DCUN1D1: variants seen among roughly 807,000 people sequenced by gnomAD.
The protein encoded by DCUN1D1 is defective in cullin neddylation 1 domain containing 1.
A neutral mutation model predicts 39.0 loss-of-function variants in DCUN1D1; 3 were observed. The observed-to-expected ratio is 0.08, with a 90% CI of 0.04 to 0.20. The LOEUF (loss-of-function observed/expected upper bound fraction) is 0.20. DCUN1D1 is among the 10% of genes least tolerant of loss of function. DCUN1D1 has a pLI of 1.00. For synonymous variants in DCUN1D1, 82 were observed against 96.3 expected (o/e 0.85, Z 0.87); for missense variants, 158 against 302.4 (o/e 0.52, Z 3.54).
chr3:182,964,150 A>G (rs1727544160), intron 2 of DCUN1D1, 101 bp from the exon 3 acceptor site: 1 of 892,250 alleles, frequency 1.1e-6, no homozygotes, highest in Non-Finnish European at 1.7e-6. Context: ...AAATGACCAC[A>G]ATATATGGAA....
At position 182,945,094 on chromosome 3, in the gene DCUN1D1, C is replaced by A; in HGVS notation, c.780G>T (p.Ter260TyrextTer2). The change falls in exon 7 of 7, where the codon TAG becomes TAT. Residue 260 changes from the stop codon to tyrosine, a stop_lost. Transcript: ENST00000292782. The stretch of plus-strand genomic sequence containing the variant: ...TACATTCTAGAAGGTTCCTTTAGTG[C>A]TACACTGTTGTACTTTTTGTCCCAG... ...QIAGTKSTTV[*>Y] is the part of the protein sequence containing the mutation. 1 of 1,611,802 alleles carries A rather than the reference C, an allele frequency of 6.2e-7. No individual in the cohort carries two copies.
chr3:182,983,600 C>T (rs1000117400), upstream of DCUN1D1, among the ~76,000 whole-genome samples: 2 of 151,908 alleles, frequency 1.3e-5, no homozygotes, highest in Non-Finnish European at 2.9e-5. Context: ...CCAGCTAGTC[C>T]GGAGGCTGAG....
At position 182,947,522 on chromosome 3, in the gene DCUN1D1, G is replaced by A. The variant is rs950635656; in HGVS notation, c.603+28C>T. On this transcript the variant is annotated intron_variant, in intron 5 of 6. Coordinates refer to ENST00000292782, the MANE Select transcript of DCUN1D1 (RefSeq NM_020640.4). ...AAACATAGCAGAATTTGAGAAAACA[G>A]AGAGAAATGTAGAAAATGTGAACTT... 3.7e-6 allele frequency: 5 copies of A among 1,344,104 alleles called. No homozygotes were observed. In the African/African-American group the frequency reaches 5.8e-5, roughly 16 times the overall value. The allele number at this position is 1,344,104 out of a possible 1,614,324, so 83.3% of individuals were successfully genotyped here.
upstream of DCUN1D1, among the ~76,000 whole-genome samples, chr3:182,984,109 AAG>A (rs145006449): frequency 7.3e-3 from 1,111 of 152,322 alleles, 12 homozygotes; most frequent in African/African-American, 0.025. Context: ...AATGAAAAGA[AAG>A]AGATATGTAA....
intron 1 of DCUN1D1, 22 bp downstream of exon 1, chr3:182,980,465 G>GCGGGCGGC: frequency 8.6e-7 from 1 of 1,167,126 alleles, no homozygotes; most frequent in South Asian, 2.4e-5. Flanking sequence ...GGCAGGGCGG[G>GCGGGCGGC]CGGGCGGCCG....
chr3:182,947,323 T>A lies in DCUN1D1; in HGVS notation c.615A>T (p.Lys205Asn). 1 of 1,600,100 alleles carries A rather than the reference T, an allele frequency of 6.2e-7. No individual in the cohort carries two copies. Among genetic ancestry groups the A allele is most frequent in the East Asian group, 2.2e-5 (1 of 44,672 alleles). ...TCCAAGTGTCTTTTGGTATTGATCG[T>A]TTATGATGTTCCTATTTAAAAAACA... ...LWNKFLLEHH[K>N]RSIPKDTWNL... The change falls in exon 6 of 7, where the codon AAA (lysine) becomes AAT (asparagine). Residue 205 changes from lysine to asparagine, a missense_variant. Coordinates refer to ENST00000292782, the MANE Select transcript of DCUN1D1 (RefSeq NM_020640.4).
chr3:182,957,863 A>C (rs912487459), intron 4 of DCUN1D1, among the ~76,000 whole-genome samples: 1 of 148,020 alleles, frequency 6.8e-6, no homozygotes, highest in Non-Finnish European at 1.5e-5. Flanking sequence ...ACTTGAGCCC[A>C]GGAAGTCAAG....
intron 1 of DCUN1D1, among the ~76,000 whole-genome samples, chr3:182,976,988 C>A (rs1287761038): frequency 4.6e-5 from 7 of 152,164 alleles, no homozygotes; most frequent in African/African-American, 1.4e-4. Flanking sequence ...TTTCAAAGTT[C>A]ATATATATTT....
At chr3:182,977,899 G>A (rs1271049350) in intron 1 of DCUN1D1, among the ~76,000 whole-genome samples, 4 of 151,934 alleles carry the variant, frequency 2.6e-5, no homozygotes, top group Non-Finnish European at 5.9e-5. Context: ...AATCAGCCGG[G>A]TATGTTGGCG....
rs920460975 is a variant in DCUN1D1 at position 182,942,170 on chromosome 3, G to A, written c.*2924C>T. 1.3e-5 allele frequency: 2 copies of A among 152,212 alleles called. No homozygotes were observed. Among genetic ancestry groups the A allele is most frequent in the Middle Eastern group, 3.4e-3 (1 of 294 alleles). 9.4% of individuals were successfully genotyped at this position (152,212 alleles called of 1,614,324 possible). A position where few individuals can be genotyped will look rare whatever the true frequency, so the allele number is the denominator to read the frequency against. On this transcript the variant is annotated 3_prime_UTR_variant, in exon 7 of 7. Transcript: ENST00000292782. ...GTACTTATAATGCCATATTATGCAA[G>A]TACAGTATTGTTAATAAAGCAGCCC...
upstream of DCUN1D1, among the ~76,000 whole-genome samples, chr3:182,985,105 G>A (rs1481808959): frequency 3.9e-5 from 6 of 152,178 alleles, no homozygotes; most frequent in South Asian, 1.0e-3. Context: ...TAGATCTTAT[G>A]AATTCAGAAT....
intron 4 of DCUN1D1, among the ~76,000 whole-genome samples, chr3:182,954,878 T>A (rs192634371): frequency 6.6e-6 from 1 of 152,320 alleles, no homozygotes; most frequent in East Asian, 1.9e-4. Flanking sequence ...CAATTCTGAA[T>A]CTGGTTTAGT....
In DCUN1D1 at chr3:182,939,309, T is replaced by A. The variant is rs1341083429; in HGVS notation, c.*5785A>T. ...TTTGGAAAAAGTTCAGCAGTTTTTT[T>A]AAAAACGTTAGGTATAAATTTACCA... is the stretch of plus-strand genomic sequence containing the variant. On this transcript the variant is annotated 3_prime_UTR_variant, in exon 7 of 7. Coordinates refer to ENST00000292782, the MANE Select transcript of DCUN1D1 (RefSeq NM_020640.4). 3.9e-5 allele frequency: 6 copies of A among 152,194 alleles called. 1 individual carries two copies. The South Asian group carries it at 6.2e-4, about 16-fold the overall frequency. The allele number at this position is 152,194 out of a possible 1,614,324, so 9.4% of individuals were successfully genotyped here. A position where few individuals can be genotyped will look rare whatever the true frequency, so the allele number is the denominator to read the frequency against.
At chr3:182,957,280 T>C (rs1279660060) in intron 4 of DCUN1D1, among the ~76,000 whole-genome samples, 2 of 152,204 alleles carry the variant, frequency 1.3e-5, no homozygotes, top group African/African-American at 4.8e-5. Flanking sequence ...GTAGGTTAAA[T>C]TTTATAGAGG....
At chr3:182,971,699 T>G (rs1727950316) in intron 1 of DCUN1D1, among the ~76,000 whole-genome samples, 1 of 152,190 alleles carries the variant, frequency 6.6e-6, no homozygotes, top group South Asian at 2.1e-4. Flanking sequence ...TAGGTACTTA[T>G]TAATCCTGCA....
intron 1 of DCUN1D1, among the ~76,000 whole-genome samples, chr3:182,972,360 C>A (rs946387457): frequency 6.6e-6 from 1 of 152,022 alleles, no homozygotes; most frequent in African/African-American, 2.4e-5. Context: ...CTAAGCAAAA[C>A]GAACAAAACC....
upstream of DCUN1D1, among the ~76,000 whole-genome samples, chr3:182,982,576 C>G (rs1228862648): frequency 6.6e-6 from 1 of 152,180 alleles, no homozygotes; most frequent in African/African-American, 2.4e-5. Flanking sequence ...CACCAGTTTT[C>G]CCTCCTAAAT....
rs1283187443 is a variant in DCUN1D1 at position 182,942,194 on chromosome 3, C to A, written c.*2900G>T. 3 of 151,996 alleles carry A rather than the reference C, an allele frequency of 2.0e-5. No homozygotes were observed. Among genetic ancestry groups the A allele is most frequent in the African/African-American group, 4.8e-5 (2 of 41,372 alleles). The allele number at this position is 151,996 out of a possible 1,614,324, so 9.4% of individuals were successfully genotyped here. A position where few individuals can be genotyped will look rare whatever the true frequency, so the allele number is the denominator to read the frequency against. ...AGTACAGTATTGTTAATAAAGCAGC[C>A]CAGTATAGTTGTAAACATCTTAAAT... On this transcript the variant is annotated 3_prime_UTR_variant, in exon 7 of 7. Transcript: ENST00000292782.
rs1012535634 is a variant in DCUN1D1, at chr3:182,957,408, CTTGAGGCCAGGAGG to C, written c.520+3804_520+3817del. Among the ~76,000 whole-genome samples, 4 of 152,310 alleles carry C rather than the reference CTTGAGGCCAGGAGG, an allele frequency of 2.6e-5. 1 individual carries two copies. Among genetic ancestry groups the C allele is most frequent in the Admixed American group, 1.3e-4 (2 of 15,308 alleles). Reference sequence around the variant, plus strand: ...TTGGGAGGCCAAGGCGGGGTGATCACTTGAGGCCAGGAGGTTGAGGCCAGCCTGGGCAACACGGT... The same window carrying C: ...TTGGGAGGCCAAGGCGGGGTGATCACTTGAGGCCAGCCTGGGCAACACGGT... On this transcript the variant is annotated intron_variant, in intron 4 of 6. Transcript: ENST00000292782.
Sources: allele counts gnomAD v4.1 joint callset (sites outside exome capture counted in the v4.1 genomes callset), GRCh38; gene constraint gnomAD v4.1.1; transcripts MANE v1.5; gene names NCBI Gene and HGNC (gene_info 2026-07-23, HGNC 2026-07-21).